The following TMED10 variants were observed in gnomAD, a reference collection of about 807,000 sequenced individuals.
TMED10 encodes transmembrane emp24 domain-containing protein 10.
In TMED10, 7 loss-of-function variants were observed where a neutral mutation model predicts 23.1. The observed-to-expected ratio is 0.30, with a 90% CI of 0.17 to 0.57. The LOEUF (loss-of-function observed/expected upper bound fraction) is 0.57, where lower values mean the gene tolerates loss of function less well. Among genes scored for constraint, TMED10 ranks in the 20% least tolerant of loss-of-function variants. The pLI is 0.91. For synonymous variants in TMED10, 113 were observed against 106.9 expected (o/e 1.06, Z -0.35); for missense variants, 162 against 274.8 (o/e 0.59, Z 2.90).
Position 75,152,099 on chromosome 14 carries a change from T to A in TMED10, c.270A>T (p.Ala90=). 2 of 1,613,990 alleles carry A rather than the reference T, an allele frequency of 1.2e-6. No homozygotes were observed. Among genetic ancestry groups the A allele is most frequent in the Non-Finnish European group, 1.7e-6 (2 of 1,179,958 alleles). The change falls in exon 2 of 5, where the codon GCA becomes GCT. Residue 90 remains alanine, a synonymous_variant. Coordinates refer to ENST00000303575, the MANE Select transcript of TMED10 (RefSeq NM_006827.6). The part of the protein sequence containing the change: ...AGHILYSKED[A]TKGKFAFTTE... The stretch of plus-strand genomic sequence containing the variant: ...TGGTAAAGGCAAATTTCCCCTTGGT[T>A]GCATCCTCTTTGGAGTAGAGAATAT...
intron 1 of TMED10, among the ~76,000 whole-genome samples, chr14:75,168,827 C>G (rs1447348122): frequency 6.6e-6 from 1 of 152,158 alleles, no homozygotes; most frequent in Non-Finnish European, 1.5e-5. Context: ...TTAAAGAGTT[C>G]ACAAAGTAAA....
chr14:75,150,710 TG>T (rs1895944561), intron 2 of TMED10, among the ~76,000 whole-genome samples: 1 of 152,188 alleles, frequency 6.6e-6, no homozygotes, highest in African/African-American at 2.4e-5. Flanking sequence ...TCTAGGTTTG[TG>T]TAAGTACACT....
rs1895762568 is a variant in TMED10 at position 75,137,365 on chromosome 14, G to A, written c.412-1479C>T. Among the ~76,000 whole-genome samples the A allele has an allele frequency of 2.7e-5, 4 of 148,952 alleles. No homozygotes were observed. The South Asian group carries it at 8.7e-4, about 32-fold the overall frequency. ...CAGTTGCTCTTAAAGTTTCCACATAGAGAATTCTTTAATAATTCTGTTTCT... is the reference window on the plus strand; with the variant it reads ...CAGTTGCTCTTAAAGTTTCCACATAAAGAATTCTTTAATAATTCTGTTTCT... On this transcript the variant is annotated intron_variant, in intron 3 of 4. Coordinates refer to ENST00000303575, the MANE Select transcript of TMED10 (RefSeq NM_006827.6).
chr14:75,167,044 C>T (rs565545252), intron 1 of TMED10, among the ~76,000 whole-genome samples: 20 of 150,620 alleles, frequency 1.3e-4, no homozygotes, highest in Middle Eastern at 3.2e-3. Context: ...CAGGTTCAAG[C>T]GATTCTCCTG....
chr14:75,143,042 A>T (rs1895841829), intron 3 of TMED10, among the ~76,000 whole-genome samples: 2 of 151,974 alleles, frequency 1.3e-5, no homozygotes, highest in Non-Finnish European at 2.9e-5. Context: ...TATTTTTAGT[A>T]GAGACAGGGT....
At chr14:75,135,585 T>C (rs2139829245) in intron 4 of TMED10, 175 bp downstream of exon 4, 3 of 828,516 alleles carry the variant, frequency 3.6e-6, no homozygotes, top group South Asian at 3.8e-5. Context: ...GTTTCTACTC[T>C]CTTGAAAATC....
chr14:75,167,002 CGT>C (rs1566675860), intron 1 of TMED10, among the ~76,000 whole-genome samples: 2 of 142,902 alleles, frequency 1.4e-5, no homozygotes, highest in Non-Finnish European at 3.0e-5. Flanking sequence ...AGTGCAGTGG[CGT>C]GATCTCGGCT....
At chr14:75,153,652 C>G (rs1881585028) in intron 1 of TMED10, among the ~76,000 whole-genome samples, 1 of 152,092 alleles carries the variant, frequency 6.6e-6, no homozygotes, top group Non-Finnish European at 1.5e-5. Flanking sequence ...TTTGTTAAAA[C>G]ATAATTCTTT....
At chr14:75,137,576 G>A (rs1216932613) in intron 3 of TMED10, among the ~76,000 whole-genome samples, 2 of 150,610 alleles carry the variant, frequency 1.3e-5, no homozygotes, top group Admixed American at 1.3e-4. Context: ...TCGGGAGGCT[G>A]CGGCAGGAGA....
intron 1 of TMED10, among the ~76,000 whole-genome samples, chr14:75,153,226 A>T (rs1489266761): frequency 6.6e-6 from 1 of 152,162 alleles, no homozygotes; most frequent in Non-Finnish European, 1.5e-5. Context: ...GGTACTGGGA[A>T]GCTTGCCGTG....
chr14:75,135,820 A>G lies in TMED10; in HGVS notation c.478T>C (p.Ser160Pro). The change falls in exon 4 of 5, where the codon TCT becomes CCT. Residue 160 changes from serine (S) to proline (P), a missense_variant. Physicochemically the swap from Ser to Pro is moderately conservative, Grantham distance 74 (BLOSUM62 -1). Coordinates refer to ENST00000303575, the MANE Select transcript of TMED10 (RefSeq NM_006827.6). Reference sequence around the variant, plus strand: ...ATGTAGGCAAAATCATTAACAATAGATTCTGAAAGGTCTTCTAGGCGTCGC... The same window carrying G: ...ATGTAGGCAAAATCATTAACAATAGGTTCTGAAAGGTCTTCTAGGCGTCGC... ...ELRRLEDLSE[S>P]IVNDFAYMKK... is the part of the protein sequence containing the mutation. The G allele has an allele frequency of 6.2e-7, 1 of 1,614,138 alleles. No homozygotes were observed. The highest frequency in any genetic ancestry group is 8.5e-7 in the Non-Finnish European group (1 of 1,180,026).
chr14:75,141,959 T>C (rs536454573), intron 3 of TMED10, among the ~76,000 whole-genome samples: 13 of 152,348 alleles, frequency 8.5e-5, no homozygotes, highest in African/African-American at 2.9e-4. Flanking sequence ...ATACATAGCA[T>C]TGAGGCTTTA....
At chr14:75,166,136 C>A (rs1276317318) in intron 1 of TMED10, among the ~76,000 whole-genome samples, 1 of 152,084 alleles carries the variant, frequency 6.6e-6, no homozygotes. Flanking sequence ...ACGGTAAAAA[C>A]CTCCAGCGTG....
chr14:75,168,646 C>T (rs931542471), intron 1 of TMED10, among the ~76,000 whole-genome samples: 2 of 152,174 alleles, frequency 1.3e-5, no homozygotes, highest in Non-Finnish European at 2.9e-5. Context: ...GTAATCCCTG[C>T]AAGACCCACA....
chr14:75,135,027 T>C (rs1184862949), intron 4 of TMED10, 21 bp from the exon 5 acceptor site: 2 of 1,613,462 alleles, frequency 1.2e-6, no homozygotes, highest in East Asian at 2.2e-5. Context: ...ACAAAAGCAT[T>C]GTAAACATAA....
intron 3 of TMED10, among the ~76,000 whole-genome samples, chr14:75,146,938 G>A (rs536922534): frequency 5.3e-5 from 8 of 152,160 alleles, no homozygotes; most frequent in African/African-American, 1.9e-4. Context: ...TAGATAGATA[G>A]ATAGATATAC....
intron 3 of TMED10, chr14:75,139,188 T>C (rs956531710): frequency 6.9e-5 from 31 of 448,880 alleles, no homozygotes; most frequent in Non-Finnish European, 9.8e-5. Flanking sequence ...TATGTAAATG[T>C]ACACAGAAAA....
chr14:75,134,030 C>T lies in TMED10; in HGVS notation c.*855G>A. On this transcript the variant is annotated 3_prime_UTR_variant, in exon 5 of 5. Transcript: ENST00000303575. ...ATTCTGTATGATTCCATTCATACAACATTCTTGAAATGACAAAATTACAGA... is the reference window on the plus strand; with the variant it reads ...ATTCTGTATGATTCCATTCATACAATATTCTTGAAATGACAAAATTACAGA... 5.0e-6 allele frequency: 1 copy of T among 198,788 alleles called. No individual in the cohort carries two copies. The highest frequency in any genetic ancestry group is 1.0e-5 in the Non-Finnish European group (1 of 96,012). The allele number at this position is 198,788 out of a possible 1,614,324, so 12.3% of individuals were successfully genotyped here. A position where few individuals can be genotyped will look rare whatever the true frequency, so the allele number is the denominator to read the frequency against.
chr14:75,145,026 C>T (rs1163731799), intron 3 of TMED10, among the ~76,000 whole-genome samples: 3 of 152,312 alleles, frequency 2.0e-5, no homozygotes, highest in South Asian at 2.1e-4. Context: ...GGCTGGTCTT[C>T]GGACTGTGTC....
Sources: gnomAD v4.1 joint callset for allele counts (sites outside exome capture counted in the v4.1 genomes callset) on GRCh38, gnomAD v4.1.1 for gene constraint, MANE v1.5 for transcripts, NCBI Gene and HGNC (gene_info 2026-07-23, HGNC 2026-07-21) for gene names.